The following APP variants were observed in gnomAD, a reference collection of about 807,000 sequenced individuals.
The protein encoded by APP is amyloid-beta precursor protein.
Under a neutral mutation model 101.4 loss-of-function variants are expected in APP, and 31 were observed. The observed-to-expected ratio is 0.31, with a 90% CI of 0.23 to 0.41. APP has a LOEUF of 0.41. APP is among the 10% of genes least tolerant of loss of function. The pLI is 1.00. For missense variants in APP, 839 were observed against 1,003.7 expected (o/e 0.84, Z 2.22); for synonymous variants, 366 against 364.4 (o/e 1.00, Z -0.05).
At chr21:25,915,278 C>T (rs947439039) in intron 13 of APP, among the ~76,000 whole-genome samples, 4 of 152,198 alleles carry the variant, frequency 2.6e-5, no homozygotes, top group East Asian at 1.9e-4. Context: ...TGCTCATCTA[C>T]GTTATTTGAA....
intron 14 of APP, among the ~76,000 whole-genome samples, chr21:25,906,047 G>T (rs759058130): frequency 6.6e-6 from 1 of 152,130 alleles, no homozygotes; most frequent in Non-Finnish European, 1.5e-5. Flanking sequence ...AAGGAGACAC[G>T]GTGTGCTCGA....
chr21:26,075,945 G>A (rs1435258024), intron 3 of APP, among the ~76,000 whole-genome samples: 2 of 152,024 alleles, frequency 1.3e-5, no homozygotes, highest in African/African-American at 2.4e-5. Context: ...CCAGGCTGGC[G>A]TGCAGTGGCG....
chr21:26,145,724 T>C (rs960850659), intron 1 of APP, among the ~76,000 whole-genome samples: 1 of 152,232 alleles, frequency 6.6e-6, no homozygotes, highest in Admixed American at 6.5e-5. Flanking sequence ...TTTTGTCAGA[T>C]TCACTTGAAT....
intron 3 of APP, among the ~76,000 whole-genome samples, chr21:26,057,473 C>CA (rs548792322): frequency 0.047 from 7,014 of 149,154 alleles, 219 homozygotes; most frequent in South Asian, 0.092. Flanking sequence ...ATGTCACACA[C>CA]CACACACACA....
chr21:25,918,529 G>A (rs1345585859), intron 13 of APP, among the ~76,000 whole-genome samples: 5 of 151,970 alleles, frequency 3.3e-5, no homozygotes, highest in African/African-American at 7.2e-5. Context: ...TGCGTGCACC[G>A]TGCGCGAGCC....
At chr21:25,905,212 G>C (rs1393539452) in intron 14 of APP, 135 bp from the exon 15 acceptor site, 7 of 755,412 alleles carry the variant, frequency 9.3e-6, no homozygotes, top group Non-Finnish European at 1.6e-5. Flanking sequence ...AGCCAGAAAA[G>C]AACCACAGTG....
chr21:26,076,691 A>G (rs2061502672), intron 3 of APP, among the ~76,000 whole-genome samples: 1 of 152,252 alleles, frequency 6.6e-6, no homozygotes, highest in African/African-American at 2.4e-5. Context: ...ACTCAGCTCA[A>G]TTAAACCACA....
intron 1 of APP, among the ~76,000 whole-genome samples, chr21:26,149,348 G>GA (rs1341077214): frequency 8.5e-5 from 13 of 152,184 alleles, no homozygotes; most frequent in Admixed American, 8.5e-4. Flanking sequence ...CTGCTGAAAA[G>GA]AAAAAATTAA....
intron 5 of APP, among the ~76,000 whole-genome samples, chr21:26,050,141 A>G (rs758500087): frequency 4.6e-5 from 7 of 152,248 alleles, no homozygotes; most frequent in Non-Finnish European, 7.4e-5. Context: ...TACACCAGAA[A>G]TTAAAAGAAA....
intron 13 of APP, among the ~76,000 whole-genome samples, chr21:25,938,864 C>T (rs2040459010): frequency 6.6e-6 from 1 of 152,212 alleles, no homozygotes; most frequent in South Asian, 2.1e-4. Context: ...GAGACGCTAG[C>T]TTCCCCTGTT....
chr21:26,088,454 T>C (rs1347589977), intron 3 of APP, among the ~76,000 whole-genome samples: 1 of 152,184 alleles, frequency 6.6e-6, no homozygotes, highest in African/African-American at 2.4e-5. Context: ...TACATTCTAA[T>C]GAAAATATAT....
chr21:26,122,891 C>T (rs534989182), intron 1 of APP, among the ~76,000 whole-genome samples: 7 of 152,156 alleles, frequency 4.6e-5, no homozygotes, highest in African/African-American at 1.4e-4. Flanking sequence ...AACAGGAATT[C>T]GGATATTTGA....
At chr21:25,965,748 G>GGTAGAGAA (rs2041772405) in intron 11 of APP, among the ~76,000 whole-genome samples, 2 of 152,134 alleles carry the variant, frequency 1.3e-5, no homozygotes, top group African/African-American at 4.8e-5. Context: ...TTCTCTATCA[G>GGTAGAGAA]TCATACCAGG....
At chr21:26,118,619 C>A (rs2062490372) in intron 1 of APP, among the ~76,000 whole-genome samples, 1 of 152,164 alleles carries the variant, frequency 6.6e-6, no homozygotes, top group African/African-American at 2.4e-5. Context: ...GCGGGGTGAT[C>A]TCGGCTCACC....
Position 25,891,310 on chromosome 21 carries a change from G to A in APP, c.2211+412C>T, listed in dbSNP as rs531056580. Among the ~76,000 whole-genome samples, 6 of 152,016 alleles carry A rather than the reference G, an allele frequency of 3.9e-5. No individual in the cohort carries two copies. In the South Asian group the frequency reaches 8.3e-4, roughly 21 times the overall value. On this transcript the variant is annotated intron_variant, in intron 17 of 17. Coordinates refer to ENST00000346798, the MANE Select transcript of APP (RefSeq NM_000484.4). ...AGAGGCCAGACTATTTAAGACAAAA[G>A]AAATCCAAGAATAAACATGTTTAGT...
chr21:25,982,519 A>G, intron 8 of APP, 42 bp from the exon 9 acceptor site: 1 of 1,599,774 alleles, frequency 6.3e-7, no homozygotes, highest in Non-Finnish European at 8.6e-7. Flanking sequence ...AAAAAAGCCA[A>G]CAACAACAGA....
intron 17 of APP, among the ~76,000 whole-genome samples, chr21:25,887,783 A>G (rs956262253): frequency 6.6e-6 from 1 of 152,118 alleles, no homozygotes. Flanking sequence ...CCTAGGAGCA[A>G]TAGTTGTAGG....
chr21:25,996,280 T>A (rs191441497), intron 8 of APP, among the ~76,000 whole-genome samples: 1 of 152,204 alleles, frequency 6.6e-6, no homozygotes, highest in Non-Finnish European at 1.5e-5. Flanking sequence ...CCTACCATTA[T>A]GCCTTCTGGG....
intron 16 of APP, 144 bp downstream of exon 16, chr21:25,897,429 C>A: frequency 1.3e-6 from 1 of 762,022 alleles, no homozygotes; most frequent in Non-Finnish European, 2.3e-6. Flanking sequence ...TATTTATTTT[C>A]TTCATGTTTT....
Sources: gnomAD v4.1 joint callset for allele counts (sites outside exome capture counted in the v4.1 genomes callset) on GRCh38, gnomAD v4.1.1 for gene constraint, MANE v1.5 for transcripts, NCBI Gene and HGNC (gene_info 2026-07-23, HGNC 2026-07-21) for gene names.